Variants in TMC2 observed in about 807,000 individuals in gnomAD.
TMC2 encodes transmembrane channel like 2, also known as transmembrane channel-like protein 2.
A neutral mutation model predicts 105.9 loss-of-function variants in TMC2; 102 were observed. The observed-to-expected ratio is 0.96, with a 90% CI of 0.82 to 1.14. The LOEUF is 1.14. Ranked by LOEUF, TMC2 falls within the 50% of genes most tolerant of loss-of-function variation. The probability of loss-of-function intolerance (pLI) is 0.00; values close to 1 mark genes in which losing one functional copy is unlikely to be tolerated. For missense variants in TMC2, 1,093 were observed against 1,134.3 expected (o/e 0.96, Z 0.52); for synonymous variants, 402 against 422.8 (o/e 0.95, Z 0.60).
At chr20:2,640,835 C>A (rs900125867) in intron 19 of TMC2, among the ~76,000 whole-genome samples, 1 of 152,116 alleles carries the variant, frequency 6.6e-6, no homozygotes, top group Non-Finnish European at 1.5e-5. Context: ...AGTCACCCTG[C>A]GAGGCTGCCG....
rs577801736 is a variant in TMC2, at chr20:2,642,389, G to C, written c.*1038G>C. Among the ~76,000 whole-genome samples the C allele has an allele frequency of 6.6e-6, 1 of 152,110 alleles. No individual in the cohort carries two copies. The highest frequency in any genetic ancestry group is 1.5e-5 in the Non-Finnish European group (1 of 68,028). On this transcript the variant is annotated 3_prime_UTR_variant, in exon 20 of 20. Coordinates refer to ENST00000358864, the MANE Select transcript of TMC2 (RefSeq NM_080751.3). ...TGAAAACAGTGAATCACAGGAGCGA[G>C]TGAGTTGCCCAGTGCCTCTTATCTT...
At chr20:2,580,320 C>T (rs192880619) in intron 7 of TMC2, among the ~76,000 whole-genome samples, 10 of 152,262 alleles carry the variant, frequency 6.6e-5, no homozygotes, top group South Asian at 4.1e-4. Flanking sequence ...CACCAACCTA[C>T]GACCTAATGT....
rs2086169474 is a variant in TMC2, at chr20:2,579,221, A to G, written c.721A>G (p.Ile241Val). ...CCCCTGGGAAATGAAGATCAAGGAC[A>G]TTGAAAGTGAGTATGCTGGTGTCAC... ...CIPWEMKIKD[I>V]ESHFGSSVAS... is the part of the protein sequence containing the mutation. Residue 241 changes from isoleucine (I) to valine (V), a missense_variant, in exon 6 of 20, where the codon ATT (isoleucine) becomes GTT (valine). Physicochemically the swap from Ile to Val is conservative, Grantham distance 29. Transcript: ENST00000358864. The G allele has an allele frequency of 6.3e-7, 1 of 1,582,220 alleles. No homozygotes were observed. The highest frequency in any genetic ancestry group is 8.7e-7 in the Non-Finnish European group (1 of 1,150,984).
At chr20:2,588,252 C>T (rs942462346) in intron 7 of TMC2, among the ~76,000 whole-genome samples, 2 of 152,154 alleles carry the variant, frequency 1.3e-5, no homozygotes, top group African/African-American at 2.4e-5. Context: ...AGTGTGGCCG[C>T]CATCTGCCAC....
intron 16 of TMC2, among the ~76,000 whole-genome samples, chr20:2,622,869 A>G (rs1391704082): frequency 6.6e-6 from 1 of 152,114 alleles, no homozygotes; most frequent in Non-Finnish European, 1.5e-5. Context: ...ATTCTCATCT[A>G]TATCCTCTAA....
At chr20:2,542,920 G>A (rs1227776756) in intron 2 of TMC2, among the ~76,000 whole-genome samples, 2 of 90,014 alleles carry the variant, frequency 2.2e-5, no homozygotes, top group Admixed American at 1.5e-4. Context: ...TTAGTATTTA[G>A]TATTTTGTGT....
intron 2 of TMC2, among the ~76,000 whole-genome samples, chr20:2,542,359 A>G (rs1206249427): frequency 4.6e-5 from 7 of 152,208 alleles, no homozygotes. Flanking sequence ...CGTGTGGTAA[A>G]TAAGTGTTAT....
At chr20:2,633,190 A>G (rs1188555617) in intron 17 of TMC2, among the ~76,000 whole-genome samples, 1 of 152,162 alleles carries the variant, frequency 6.6e-6, no homozygotes, top group African/African-American at 2.4e-5. Context: ...GGCTCTGTGT[A>G]TGTATTGGGG....
Position 2,558,224 on chromosome 20 carries a change from G to A in TMC2, c.83-232G>A. ...GTCACAGGAGGTCTTCAAGGGAGAC[G>A]GGAGGGAGAAGGCCAGAGAGTGACC... On this transcript the variant is annotated intron_variant, in intron 2 of 19. Transcript: ENST00000358864. This position sits in a 1 kb window ranked among gnomAD's most constrained non-coding sequence, Gnocchi z 4.6. 2.0e-6 allele frequency: 2 copies of A among 1,009,980 alleles called. No homozygotes were observed. Among genetic ancestry groups the A allele is most frequent in the East Asian group, 2.8e-5 (1 of 35,190 alleles). The allele number at this position is 1,009,980 out of a possible 1,614,324, so 62.6% of individuals were successfully genotyped here.
intron 4 of TMC2, among the ~76,000 whole-genome samples, chr20:2,565,859 G>A (rs1471468481): frequency 6.6e-6 from 1 of 152,128 alleles, no homozygotes; most frequent in Non-Finnish European, 1.5e-5. Context: ...GGTCAACATG[G>A]TGGAACCTCA....
chr20:2,565,847 C>A (rs1032498388), intron 4 of TMC2, among the ~76,000 whole-genome samples: 4 of 152,090 alleles, frequency 2.6e-5, no homozygotes, highest in Non-Finnish European at 5.9e-5. Context: ...CAAGACCAGC[C>A]TGGTCAACAT....
At chr20:2,627,933 C>T (rs963700112) in intron 17 of TMC2, among the ~76,000 whole-genome samples, 10 of 152,164 alleles carry the variant, frequency 6.6e-5, no homozygotes, top group Non-Finnish European at 1.2e-4. Context: ...TTTGGGAGGC[C>T]GAGGTGGGCA....
At chr20:2,569,391 G>T (rs1032371801) in intron 4 of TMC2, among the ~76,000 whole-genome samples, 1 of 152,232 alleles carries the variant, frequency 6.6e-6, no homozygotes, top group Non-Finnish European at 1.5e-5. Context: ...CCTATCCAAT[G>T]ATGCCTGACT....
At position 2,612,194 on chromosome 20, in the gene TMC2, G is replaced by A. The variant is rs1568524199; in HGVS notation, c.1597G>A (p.Ala533Thr). The A allele has an allele frequency of 6.2e-7, 1 of 1,601,402 alleles. No homozygotes were observed. The highest frequency in any genetic ancestry group is 8.5e-7 in the Non-Finnish European group (1 of 1,171,800). Residue 533 changes from alanine to threonine, a missense_variant, in exon 13 of 20, where the codon GCT (alanine) becomes ACT (threonine). Transcript: ENST00000358864. The stretch of plus-strand genomic sequence containing the variant: ...ACACCTCCATCTTCTGTTCTAGCTT[G>A]CTAATGAAGAGACAATAAAGAACAT... The part of the protein sequence containing the change: ...ALMDDVHLKL[A>T]NEETIKNITH...
intron 11 of TMC2, among the ~76,000 whole-genome samples, 157 bp from the exon 12 acceptor site, chr20:2,610,262 C>T (rs2086425389): frequency 6.6e-6 from 1 of 152,196 alleles, no homozygotes; most frequent in Admixed American, 6.5e-5. Flanking sequence ...GATGCCTTTG[C>T]CAGGGTCACA....
At chr20:2,606,046 A>G (rs1007726731) in intron 11 of TMC2, among the ~76,000 whole-genome samples, 1 of 152,180 alleles carries the variant, frequency 6.6e-6, no homozygotes, top group Non-Finnish European at 1.5e-5. Context: ...TCTAGGCCTC[A>G]GAGAACTCCA....
At chr20:2,542,008 C>T (rs1356596856) in intron 2 of TMC2, among the ~76,000 whole-genome samples, 1 of 150,430 alleles carries the variant, frequency 6.6e-6, no homozygotes, top group Non-Finnish European at 1.5e-5. Context: ...TTCCATTAGT[C>T]TCATGTTTGA....
rs184070720 is a variant in TMC2, at chr20:2,642,235, G to C, written c.*884G>C. On this transcript the variant is annotated 3_prime_UTR_variant, in exon 20 of 20. Coordinates refer to ENST00000358864, the MANE Select transcript of TMC2 (RefSeq NM_080751.3). ...AATAGATAAATGAATCAAAGTAAAT[G>C]AAAGTGAATGAAAATAAAGGTAAAT... Among the ~76,000 whole-genome samples, 1 of 152,146 alleles carries C rather than the reference G, an allele frequency of 6.6e-6. No homozygotes were observed. The highest frequency in any genetic ancestry group is 1.5e-5 in the Non-Finnish European group (1 of 68,014).
intron 16 of TMC2, among the ~76,000 whole-genome samples, chr20:2,620,709 G>A (rs541863636): frequency 1.3e-4 from 20 of 152,314 alleles, no homozygotes; most frequent in Admixed American, 7.2e-4. Context: ...GCTGAGACAT[G>A]TGCTATCCTT....
Sources: gnomAD v4.1 joint callset for allele counts (sites outside exome capture counted in the v4.1 genomes callset) on GRCh38, gnomAD v4.1.1 for gene constraint, Gnocchi (gnomAD v3.1) non-coding constraint, MANE v1.5 for transcripts, NCBI Gene and HGNC (gene_info 2026-07-23, HGNC 2026-07-21) for gene names.